FCHSD2: variants seen among roughly 807,000 people sequenced by gnomAD.
FCHSD2 encodes the protein F-BAR and double SH3 domains protein 2.
A neutral mutation model predicts 108.1 loss-of-function variants in FCHSD2; 38 were observed. The ratio of observed to expected loss-of-function variants is 0.35; its 90% confidence interval spans 0.27 to 0.46. The LOEUF (loss-of-function observed/expected upper bound fraction) is 0.46. Among genes scored for constraint, FCHSD2 ranks in the 20% least tolerant of loss-of-function variants. The probability of loss-of-function intolerance (pLI) is 1.00; values close to 1 mark genes in which losing one functional copy is unlikely to be tolerated. For missense variants in FCHSD2, 751 were observed against 897.8 expected, an observed-to-expected ratio of 0.84 and a Z score of 2.09; for synonymous variants, 279 against 314.7, an observed-to-expected ratio of 0.89 and a Z score of 1.20.
intron 2 of FCHSD2, among the ~76,000 whole-genome samples, chr11:73,133,163 G>A (rs886365161): frequency 6.6e-6 from 1 of 152,150 alleles, no homozygotes; most frequent in Non-Finnish European, 1.5e-5. Context: ...ATGTATTATT[G>A]CTGGTGGGAA....
intron 13 of FCHSD2, among the ~76,000 whole-genome samples, chr11:72,851,148 G>GTTC (rs1861278306): frequency 7.0e-6 from 1 of 143,500 alleles, no homozygotes; most frequent in South Asian, 2.3e-4. Context: ...TACCAAGGAT[G>GTTC]TGGAGAACAG....
Position 72,921,872 on chromosome 11 carries a change from C to T in FCHSD2, c.784G>A (p.Ala262Thr), listed in dbSNP as rs749056876. The T allele has an allele frequency of 3.1e-6, 5 of 1,609,974 alleles. No homozygotes were observed. The highest frequency in any genetic ancestry group is 1.7e-5 in the Admixed American group (1 of 59,458). Reference sequence around the variant, plus strand: ...AAAAACTGGAATGTGTTCTGCACAGCTTGGCATGTTTCTAGCTCAGTCCGG... The same window carrying T: ...AAAAACTGGAATGTGTTCTGCACAGTTTGGCATGTTTCTAGCTCAGTCCGG... Reference protein sequence around the residue: ...FSRTELETCQAVQNTFQFLLE... With the variant: ...FSRTELETCQTVQNTFQFLLE... The change falls in exon 9 of 20, where the codon GCT becomes ACT. Residue 262 changes from alanine to threonine, a missense_variant. Physicochemically the swap from Ala to Thr is moderately conservative, Grantham distance 58. Transcript: ENST00000409418.
At chr11:72,896,219 GC>G (rs1855414387) in intron 10 of FCHSD2, among the ~76,000 whole-genome samples, 1 of 152,160 alleles carries the variant, frequency 6.6e-6, no homozygotes, top group Non-Finnish European at 1.5e-5. Context: ...TCAGCTTTTT[GC>G]TGTCATGATC....
intron 3 of FCHSD2, among the ~76,000 whole-genome samples, chr11:73,056,425 A>T (rs543848982): frequency 6.6e-6 from 1 of 152,336 alleles, no homozygotes; most frequent in Non-Finnish European, 1.5e-5. Context: ...TAATCTTTTT[A>T]AAAATTATTT....
chr11:72,983,221 G>A (rs1411549385), intron 8 of FCHSD2, among the ~76,000 whole-genome samples: 2 of 151,148 alleles, frequency 1.3e-5, no homozygotes, highest in African/African-American at 4.8e-5. Context: ...GTGAACCCGG[G>A]AGGCGGAGCT....
At chr11:72,858,197 A>G (rs1364331780) in intron 13 of FCHSD2, among the ~76,000 whole-genome samples, 1 of 152,198 alleles carries the variant, frequency 6.6e-6, no homozygotes, top group Non-Finnish European at 1.5e-5. Context: ...GAATCTCTCA[A>G]CTCCACTGGA....
chr11:72,919,903 A>G (rs941360432), intron 9 of FCHSD2, among the ~76,000 whole-genome samples: 4 of 152,108 alleles, frequency 2.6e-5, no homozygotes, highest in African/African-American at 9.7e-5. Context: ...TGGAAACTGA[A>G]AAACTCATTT....
intron 2 of FCHSD2, among the ~76,000 whole-genome samples, chr11:73,102,805 A>T (rs1332231236): frequency 6.6e-6 from 1 of 152,212 alleles, no homozygotes; most frequent in Non-Finnish European, 1.5e-5. Flanking sequence ...CAGAACTATA[A>T]GCCAATAAAT....
At chr11:73,111,970 G>A (rs1180153016) in intron 2 of FCHSD2, among the ~76,000 whole-genome samples, 1 of 152,110 alleles carries the variant, frequency 6.6e-6, no homozygotes, top group Non-Finnish European at 1.5e-5. Context: ...AAAAGCTGTT[G>A]TAGTTAATAT....
chr11:73,129,201 A>G (rs568343620), intron 2 of FCHSD2, among the ~76,000 whole-genome samples: 2 of 152,246 alleles, frequency 1.3e-5, no homozygotes, highest in African/African-American at 4.8e-5. Context: ...TGATGTTCTC[A>G]ATTACAAAAC....
At position 73,055,452 on chromosome 11, in the gene FCHSD2, G is replaced by A. The variant is rs138884204; in HGVS notation, c.165+28243C>T. On this transcript the variant is annotated intron_variant, in intron 3 of 19. Transcript: ENST00000409418. ...CTACCCATACAGAGCTCTTTATCAG[G>A]AGAAGTATACAATGACCATCCAATA... is the stretch of plus-strand genomic sequence containing the variant. Among the ~76,000 whole-genome samples, 474 of 152,146 alleles carry A rather than the reference G, an allele frequency of 3.1e-3. 1 individual carries two copies. The highest frequency in any genetic ancestry group is 5.5e-3 in the Admixed American group (84 of 15,284).
At chr11:72,911,148 T>C (rs1439920048) in intron 9 of FCHSD2, among the ~76,000 whole-genome samples, 1 of 152,200 alleles carries the variant, frequency 6.6e-6, no homozygotes, top group Non-Finnish European at 1.5e-5. Flanking sequence ...CTTTAATCCA[T>C]TTTGATTTGA....
intron 9 of FCHSD2, among the ~76,000 whole-genome samples, chr11:72,909,228 G>A (rs1455363585): frequency 6.6e-6 from 1 of 152,134 alleles, no homozygotes; most frequent in South Asian, 2.1e-4. Context: ...GTGGAGACGG[G>A]GTTTCGCCCT....
In FCHSD2 at chr11:72,903,918, A is replaced by T. The variant is rs565537448; in HGVS notation, c.829-1280T>A. ...CCCTCACTCCACCAACCATTTATTG[A>T]GAGAGTTTACCAGGTCCAACATGAA... On this transcript the variant is annotated intron_variant, in intron 9 of 19. Transcript: ENST00000409418. 8.5e-5 allele frequency among the ~76,000 whole-genome samples: 13 copies of T among 152,276 alleles called. No homozygotes were observed. In the South Asian group the frequency reaches 2.7e-3, roughly 32 times the overall value.
intron 3 of FCHSD2, among the ~76,000 whole-genome samples, chr11:73,048,193 A>T (rs1265052752): frequency 1.3e-5 from 2 of 152,212 alleles, no homozygotes; most frequent in Non-Finnish European, 2.9e-5. Flanking sequence ...GCATAGCTAG[A>T]GCAGCAGGAT....
chr11:73,135,481 A>T (rs1861101288), intron 2 of FCHSD2, among the ~76,000 whole-genome samples: 1 of 152,224 alleles, frequency 6.6e-6, no homozygotes, highest in Non-Finnish European at 1.5e-5. Context: ...ATTTTTCTTA[A>T]CTAACTCTAC....
intron 5 of FCHSD2, among the ~76,000 whole-genome samples, chr11:72,994,134 T>G (rs1252264134): frequency 1.3e-5 from 2 of 152,198 alleles, no homozygotes; most frequent in Non-Finnish European, 2.9e-5. Context: ...ACTGGTCAGC[T>G]ATGTGGACCG....
In FCHSD2 at chr11:72,903,225, A is replaced by T. The variant is rs866459196; in HGVS notation, c.829-587T>A. ...TATTTATATATTTATTTATTTATTT[A>T]TTTATTTTTTGAGACGAGTCTCGCT... On this transcript the variant is annotated intron_variant, in intron 9 of 19. Coordinates refer to ENST00000409418, the MANE Select transcript of FCHSD2 (RefSeq NM_014824.3). Among the ~76,000 whole-genome samples the T allele has an allele frequency of 1.1e-4, 14 of 126,992 alleles. No individual in the cohort carries two copies. In the South Asian group the frequency reaches 2.9e-3, roughly 27 times the overall value. The allele number at this position is 126,992 out of a possible 152,430, so 83.3% of individuals were successfully genotyped here.
At chr11:72,936,360 T>C (rs965395132) in intron 8 of FCHSD2, among the ~76,000 whole-genome samples, 3 of 152,238 alleles carry the variant, frequency 2.0e-5, no homozygotes, top group Admixed American at 6.5e-5. Flanking sequence ...AATTTAAAAA[T>C]AGTATCTCCT....
Sources: gnomAD v4.1 joint callset for allele counts (sites outside exome capture counted in the v4.1 genomes callset) on GRCh38, gnomAD v4.1.1 for gene constraint, MANE v1.5 for transcripts, NCBI Gene and HGNC (gene_info 2026-07-23, HGNC 2026-07-21) for gene names.